Variants in TSPAN5 observed in about 807,000 individuals in gnomAD.
TSPAN5 encodes the protein tetraspanin 5, also known as tetraspanin-5.
A neutral mutation model predicts 37.1 loss-of-function variants in TSPAN5; 10 were observed. That is an observed-to-expected ratio of 0.27 (90% confidence interval 0.17 to 0.46). The LOEUF is 0.46. TSPAN5 is among the 20% of genes least tolerant of loss of function. The probability of loss-of-function intolerance (pLI) is 1.00; values close to 1 mark genes in which losing one functional copy is unlikely to be tolerated. For synonymous variants in TSPAN5, 110 were observed against 118.9 expected (o/e 0.93, Z 0.48); for missense variants, 195 against 326.6 (o/e 0.60, Z 3.11).
chr4:98,475,585 C>T (rs965895606), intron 7 of TSPAN5, among the ~76,000 whole-genome samples: 5 of 152,166 alleles, frequency 3.3e-5, no homozygotes, highest in Non-Finnish European at 7.3e-5. Context: ...CCCATGTAAA[C>T]GATGGAATGC....
chr4:98,517,433 T>C lies in TSPAN5; in HGVS notation c.82-9705A>G, dbSNP rs532000203. Among the ~76,000 whole-genome samples the C allele has an allele frequency of 1.8e-3, 269 of 152,188 alleles. 3 individuals are homozygous for C. Among genetic ancestry groups the C allele is most frequent in the African/African-American group, 6.2e-3 (256 of 41,532 alleles). On this transcript the variant is annotated intron_variant, in intron 1 of 7. Transcript: ENST00000305798. ...AAGGGGTGAGGCAGGGGAGGAGGTC[T>C]ATTTGGAGGTATCCAAGCATTTTTG...
rs60505436 is a variant in TSPAN5 at position 98,521,079 on chromosome 4, G to A, written c.82-13351C>T. Among the ~76,000 whole-genome samples, 770 of 152,184 alleles carry A rather than the reference G, an allele frequency of 5.1e-3. 9 individuals carry two copies. The highest frequency in any genetic ancestry group is 0.018 in the African/African-American group (729 of 41,510). ...CCTGAGTAGCTGGGATTACAGGTGCGTGCCACCACGCCTGGCTAATTTTTG... is the reference window on the plus strand; with the variant it reads ...CCTGAGTAGCTGGGATTACAGGTGCATGCCACCACGCCTGGCTAATTTTTG... On this transcript the variant is annotated intron_variant, in intron 1 of 7. Coordinates refer to ENST00000305798, the MANE Select transcript of TSPAN5 (RefSeq NM_005723.4).
Position 98,658,364 on chromosome 4 carries a change from C to T in TSPAN5, c.-138G>A. The T allele has an allele frequency of 1.6e-6, 1 of 616,748 alleles. No individual in the cohort carries two copies. Among genetic ancestry groups the T allele is most frequent in the South Asian group, 2.2e-5 (1 of 45,564 alleles). The allele number at this position is 616,748 out of a possible 1,614,324, so 38.2% of individuals were successfully genotyped here. Reference sequence around the variant, plus strand: ...GCGGCGCTGGCGGCCTGGGCTCAGCCGCGCGGGGACCGACCGGCGGAGAGC... The same window carrying T: ...GCGGCGCTGGCGGCCTGGGCTCAGCTGCGCGGGGACCGACCGGCGGAGAGC... On this transcript the variant is annotated 5_prime_UTR_variant, in exon 1 of 8. Transcript: ENST00000305798.
chr4:98,604,769 C>T (rs1201416646), intron 1 of TSPAN5, among the ~76,000 whole-genome samples: 1 of 152,224 alleles, frequency 6.6e-6, no homozygotes, highest in Non-Finnish European at 1.5e-5. Flanking sequence ...TTACTGAGCA[C>T]ATACTACAGT....
At chr4:98,627,752 T>G (rs150632608) in intron 1 of TSPAN5, among the ~76,000 whole-genome samples, 191 of 152,328 alleles carry the variant, frequency 1.3e-3, no homozygotes, top group African/African-American at 4.4e-3. Flanking sequence ...TTGATCTCCA[T>G]GAATTGCTGT....
chr4:98,508,522 C>CTTTTTT (rs34342433), intron 1 of TSPAN5, among the ~76,000 whole-genome samples: 4 of 121,924 alleles, frequency 3.3e-5, no homozygotes, highest in Non-Finnish European at 6.8e-5. Flanking sequence ...TACTGTTTTT[C>CTTTTTT]TTTTTTTTTT....
intron 2 of TSPAN5, among the ~76,000 whole-genome samples, chr4:98,502,679 C>T (rs564607787): frequency 1.7e-4 from 26 of 152,198 alleles, no homozygotes; most frequent in Non-Finnish European, 2.6e-4. Context: ...TCTACAAAGA[C>T]AAGATGCAGA....
chr4:98,531,222 C>T (rs1400098517), intron 1 of TSPAN5, among the ~76,000 whole-genome samples: 1 of 152,126 alleles, frequency 6.6e-6, no homozygotes, highest in Non-Finnish European at 1.5e-5. Context: ...CCTCCCCTAC[C>T]CCCTACCCCA....
intron 1 of TSPAN5, among the ~76,000 whole-genome samples, chr4:98,562,615 C>G (rs191034816): frequency 1.3e-5 from 2 of 152,104 alleles, no homozygotes; most frequent in African/African-American, 4.8e-5. Flanking sequence ...GAGCCGAGAT[C>G]GCGCCACTGC....
intron 1 of TSPAN5, among the ~76,000 whole-genome samples, chr4:98,631,309 A>G (rs770304326): frequency 1.7e-4 from 26 of 152,136 alleles, no homozygotes; most frequent in Non-Finnish European, 7.3e-5. Flanking sequence ...GAAAGTGAGG[A>G]AGACAATTCC....
intron 1 of TSPAN5, among the ~76,000 whole-genome samples, chr4:98,555,382 G>A (rs927587251): frequency 6.6e-6 from 1 of 152,038 alleles, no homozygotes; most frequent in South Asian, 2.1e-4. Flanking sequence ...TAAAGACAGG[G>A]TACTCCTACC....
At chr4:98,474,016 T>C (rs745485038) in intron 7 of TSPAN5, among the ~76,000 whole-genome samples, 2 of 152,216 alleles carry the variant, frequency 1.3e-5, no homozygotes, top group Non-Finnish European at 2.9e-5. Context: ...ACTGTCTTGA[T>C]GGTATCATTT....
intron 1 of TSPAN5, among the ~76,000 whole-genome samples, chr4:98,523,503 C>T (rs1054611017): frequency 1.3e-5 from 2 of 152,088 alleles, no homozygotes; most frequent in Non-Finnish European, 2.9e-5. Context: ...GGCGCGTGCT[C>T]GGCTCACTGC....
intron 1 of TSPAN5, among the ~76,000 whole-genome samples, chr4:98,633,544 C>T (rs1236347976): frequency 1.3e-5 from 2 of 152,286 alleles, no homozygotes; most frequent in East Asian, 3.9e-4. Flanking sequence ...TATCTGACCC[C>T]TATTTATTTC....
At chr4:98,588,388 G>A (rs1288064191) in intron 1 of TSPAN5, among the ~76,000 whole-genome samples, 50 of 150,116 alleles carry the variant, frequency 3.3e-4, no homozygotes, top group African/African-American at 1.0e-3. Context: ...TGTTAACTTC[G>A]GTTCAAAAAA....
chr4:98,623,818 AAAC>A (rs1340129401), intron 1 of TSPAN5, among the ~76,000 whole-genome samples: 8 of 152,168 alleles, frequency 5.3e-5, no homozygotes, highest in Middle Eastern at 3.2e-3. Context: ...CTTTATTTGA[AAAC>A]AACACATGCA....
chr4:98,543,951 G>A (rs1259684362), intron 1 of TSPAN5, among the ~76,000 whole-genome samples: 1 of 152,048 alleles, frequency 6.6e-6, no homozygotes, highest in Non-Finnish European at 1.5e-5. Context: ...GCCGAGGCAG[G>A]AGGATTGTCT....
chr4:98,598,211 C>T (rs1435160365), intron 1 of TSPAN5, among the ~76,000 whole-genome samples: 30 of 141,264 alleles, frequency 2.1e-4, no homozygotes, highest in South Asian at 1.2e-3. Flanking sequence ...CAGGTGCGTC[C>T]GTCACCCCTT....
At chr4:98,518,063 T>G (rs1325473727) in intron 1 of TSPAN5, among the ~76,000 whole-genome samples, 2 of 151,996 alleles carry the variant, frequency 1.3e-5, no homozygotes, top group African/African-American at 4.8e-5. Flanking sequence ...TACTGTCAGA[T>G]GCACACTGTT....
Sources: gnomAD v4.1 joint callset for allele counts (sites outside exome capture counted in the v4.1 genomes callset) on GRCh38, gnomAD v4.1.1 for gene constraint, MANE v1.5 for transcripts, NCBI Gene and HGNC (gene_info 2026-07-23, HGNC 2026-07-21) for gene names.